SH3KBP1: variants seen among roughly 807,000 people sequenced by gnomAD.
The protein encoded by SH3KBP1 is SH3 domain containing kinase binding protein 1.
SH3KBP1 carries 8 observed loss-of-function variants against 50.1 expected under a neutral mutation model. The ratio of observed to expected loss-of-function variants is 0.16; its 90% CI spans 0.09 to 0.29. SH3KBP1 has a LOEUF of 0.29. SH3KBP1 is among the 10% of genes least tolerant of loss of function. The pLI is 1.00. For synonymous variants in SH3KBP1, 227 were observed against 218.6 expected, an observed-to-expected ratio of 1.04 and a Z score of -0.34; for missense variants, 377 against 535.2, an observed-to-expected ratio of 0.70 and a Z score of 2.92.
chrX:19,568,410 A>G (rs891359558), intron 13 of SH3KBP1, among the ~76,000 whole-genome samples: 1 of 112,188 alleles, frequency 8.9e-6, no homozygotes, highest in Non-Finnish European at 1.9e-5. Flanking sequence ...GATTATTTTT[A>G]TATATTTCTA....
chrX:19,739,581 T>A (rs966228573), intron 3 of SH3KBP1, among the ~76,000 whole-genome samples: 1 of 109,802 alleles, frequency 9.1e-6, no homozygotes, highest in Non-Finnish European at 1.9e-5. Context: ...TTTTTTTTTT[T>A]AATCCTCATT....
intron 12 of SH3KBP1, among the ~76,000 whole-genome samples, chrX:19,575,515 A>C (rs1392075219): frequency 1.8e-5 from 2 of 111,562 alleles, no homozygotes; most frequent in Non-Finnish European, 3.8e-5. Flanking sequence ...GATAGGAAGG[A>C]GAGTGGGATC....
intron 1 of SH3KBP1, among the ~76,000 whole-genome samples, chrX:19,843,182 C>G (rs758712153): frequency 9.3e-6 from 1 of 107,991 alleles, no homozygotes; most frequent in Non-Finnish European, 1.9e-5. Flanking sequence ...CAACGCCCAG[C>G]TAATTTTTGT....
At chrX:19,788,399 T>C (rs1450010158) in intron 2 of SH3KBP1, among the ~76,000 whole-genome samples, 12 of 108,501 alleles carry the variant, frequency 1.1e-4, no homozygotes, top group Admixed American at 4.9e-4. Context: ...AACCCAAAGA[T>C]CGCCAGCAAA....
intron 5 of SH3KBP1, among the ~76,000 whole-genome samples, chrX:19,695,302 T>G (rs955895348): frequency 9.0e-6 from 1 of 111,697 alleles, no homozygotes; most frequent in Non-Finnish European, 1.9e-5. Flanking sequence ...TAAATAATTA[T>G]GAACTTACAG....
At chrX:19,791,732 C>T (rs1455833877) in intron 2 of SH3KBP1, among the ~76,000 whole-genome samples, 1 of 111,326 alleles carries the variant, frequency 9.0e-6, no homozygotes, top group East Asian at 2.8e-4. Flanking sequence ...GGTTAAGCAA[C>T]CTTCACTGGG....
chrX:19,836,446 G>A (rs1294795074), intron 1 of SH3KBP1, among the ~76,000 whole-genome samples, 164 bp from the exon 2 acceptor site: 1 of 112,104 alleles, frequency 8.9e-6, no homozygotes, highest in Non-Finnish European at 1.9e-5. Flanking sequence ...TTAACCTGAA[G>A]CCTATAGCAC....
intron 12 of SH3KBP1, among the ~76,000 whole-genome samples, chrX:19,576,617 A>C (rs1361083866): frequency 9.0e-6 from 1 of 111,112 alleles, no homozygotes; most frequent in South Asian, 3.8e-4. Context: ...TTTAAAAAAA[A>C]TTTTTGTAGA....
chrX:19,799,511 G>A, intron 2 of SH3KBP1: 1 of 673,934 alleles, frequency 1.5e-6, no homozygotes, highest in Non-Finnish European at 2.4e-6. Flanking sequence ...CACCATCTTG[G>A]AAGGACTGGC....
In SH3KBP1 at chrX:19,778,293, C is replaced by T. The variant is rs935872417; in HGVS notation, c.163-31852G>A. 2.8e-5 allele frequency among the ~76,000 whole-genome samples: 3 copies of T among 109,057 alleles called. No individual in the cohort carries two copies. The East Asian group carries it at 8.7e-4, about 32-fold the overall frequency. The allele number at this position is 109,057 out of a possible 115,157, so 94.7% of individuals were successfully genotyped here. A position where few individuals can be genotyped will look rare whatever the true frequency, so the allele number is the denominator to read the frequency against. ...TAAAAATACAAAAATTAGCTGGACACGATGGCGGGCGCCTGTAATCCCAGC... is the reference window on the plus strand; with the variant it reads ...TAAAAATACAAAAATTAGCTGGACATGATGGCGGGCGCCTGTAATCCCAGC... On this transcript the variant is annotated intron_variant, in intron 2 of 17. Coordinates refer to ENST00000397821, the MANE Select transcript of SH3KBP1 (RefSeq NM_031892.3).
chrX:19,781,948 T>C (rs916205308), intron 2 of SH3KBP1, among the ~76,000 whole-genome samples: 1 of 111,842 alleles, frequency 8.9e-6, no homozygotes, highest in African/African-American at 3.3e-5. Context: ...AAGGCTTCTG[T>C]TTCTTCTGCT....
intron 5 of SH3KBP1, among the ~76,000 whole-genome samples, chrX:19,692,686 T>C (rs1432187791): frequency 3.3e-4 from 31 of 94,091 alleles, no homozygotes; most frequent in Middle Eastern, 4.6e-3. Flanking sequence ...TATATATATA[T>C]ATATTTTTTT....
intron 1 of SH3KBP1, among the ~76,000 whole-genome samples, chrX:19,841,252 C>T (rs921154522): frequency 5.4e-5 from 6 of 111,583 alleles, no homozygotes; most frequent in African/African-American, 2.0e-4. Context: ...AGGACCAGTT[C>T]ACCTCACTAT....
chrX:19,544,344 G>A (rs1199466660), intron 15 of SH3KBP1, among the ~76,000 whole-genome samples: 3 of 110,415 alleles, frequency 2.7e-5, no homozygotes, highest in East Asian at 5.8e-4. Flanking sequence ...TTTGAGCAAC[G>A]ATCGGTTGGC....
chrX:19,742,103 T>C (rs1422129171), intron 3 of SH3KBP1, among the ~76,000 whole-genome samples: 1 of 110,937 alleles, frequency 9.0e-6, no homozygotes, highest in Non-Finnish European at 1.9e-5. Context: ...TTTTTCTTTT[T>C]TTTGTTTTTT....
intron 2 of SH3KBP1, among the ~76,000 whole-genome samples, chrX:19,771,587 G>A (rs2065791884): frequency 9.0e-6 from 1 of 111,619 alleles, no homozygotes; most frequent in Admixed American, 9.5e-5. Context: ...GTTACAGCTG[G>A]GCACGGTGGC....
chrX:19,561,613 G>C (rs1423177146), intron 13 of SH3KBP1, among the ~76,000 whole-genome samples: 1 of 111,204 alleles, frequency 9.0e-6, no homozygotes, highest in Non-Finnish European at 1.9e-5. Flanking sequence ...GTTTTCAAAA[G>C]AACTGGCACG....
intron 2 of SH3KBP1, among the ~76,000 whole-genome samples, chrX:19,805,300 C>G (rs2067012314): frequency 9.0e-6 from 1 of 111,339 alleles, no homozygotes; most frequent in African/African-American, 3.3e-5. Context: ...ATAGTCAAAG[C>G]AGCAGAACCT....
At chrX:19,560,332 T>G (rs1381748571) in intron 13 of SH3KBP1, among the ~76,000 whole-genome samples, 1 of 111,517 alleles carries the variant, frequency 9.0e-6, no homozygotes, top group Non-Finnish European at 1.9e-5. Flanking sequence ...AAGAATAAGC[T>G]GCTTCATTTC....
Sources: gnomAD v4.1 joint callset for allele counts (sites outside exome capture counted in the v4.1 genomes callset) on GRCh38, gnomAD v4.1.1 for gene constraint, MANE v1.5 for transcripts, NCBI Gene and HGNC (gene_info 2026-07-23, HGNC 2026-07-21) for gene names.